The following OSBPL1A variants were observed in gnomAD, a reference collection of about 807,000 sequenced individuals.
The protein encoded by OSBPL1A is oxysterol binding protein like 1A, also known as oxysterol-binding protein-related protein 1.
A neutral mutation model predicts 137.1 loss-of-function variants in OSBPL1A; 80 were observed. That is an observed-to-expected ratio of 0.58 (90% confidence interval 0.49 to 0.70). OSBPL1A has a LOEUF of 0.70. Ranked by LOEUF, OSBPL1A falls within the 30% of genes least tolerant of loss-of-function variation. OSBPL1A has a pLI of 0.00. For missense variants in OSBPL1A, 970 were observed against 1,129.4 expected, an observed-to-expected ratio of 0.86 and a Z score of 2.02; for synonymous variants, 365 against 389.7, an observed-to-expected ratio of 0.94 and a Z score of 0.75.
intron 17 of OSBPL1A, among the ~76,000 whole-genome samples, chr18:24,220,835 CAG>C (rs2087866134): frequency 6.6e-6 from 1 of 151,330 alleles, no homozygotes. Flanking sequence ...TTTTTTGAGA[CAG>C]AGTCTCGCTT....
At position 24,294,349 on chromosome 18, in the gene OSBPL1A, A is replaced by G. The variant is rs188735599; in HGVS notation, c.1174+9288T>C. On this transcript the variant is annotated intron_variant, in intron 14 of 27. Transcript: ENST00000319481. ...TGGGTTCAAGCGATTCTTCTGTCTC[A>G]GCCTCCTGAGTAGCGGGGATTACAG... is the stretch of plus-strand genomic sequence containing the variant. 1.6e-3 allele frequency among the ~76,000 whole-genome samples: 244 copies of G among 152,158 alleles called. 1 individual carries two copies. The highest frequency in any genetic ancestry group is 1.5e-3 in the Non-Finnish European group (104 of 68,000).
At chr18:24,177,666 TCA>T (rs1246341264) in intron 21 of OSBPL1A, among the ~76,000 whole-genome samples, 2 of 152,234 alleles carry the variant, frequency 1.3e-5, no homozygotes, top group Non-Finnish European at 2.9e-5. Context: ...TCATTATTTC[TCA>T]GAGTGAATTC....
intron 18 of OSBPL1A, among the ~76,000 whole-genome samples, chr18:24,186,059 C>A (rs1346255521): frequency 6.6e-6 from 1 of 152,000 alleles, no homozygotes; most frequent in Non-Finnish European, 1.5e-5. Flanking sequence ...CACAGCAAGA[C>A]CCTGTCTTAA....
At chr18:24,223,007 A>G (rs2087941328) in intron 17 of OSBPL1A, among the ~76,000 whole-genome samples, 1 of 152,002 alleles carries the variant, frequency 6.6e-6, no homozygotes, top group Admixed American at 6.6e-5. Flanking sequence ...GTCAAATACA[A>G]TTTTCACATG....
chr18:24,202,261 T>G (rs2145954640), intron 17 of OSBPL1A, among the ~76,000 whole-genome samples: 1 of 152,306 alleles, frequency 6.6e-6, no homozygotes, highest in East Asian at 1.9e-4. Flanking sequence ...CAATTCTCCT[T>G]CTGCTGGCAG....
At chr18:24,231,153 C>T (rs1386161806) in intron 16 of OSBPL1A, among the ~76,000 whole-genome samples, 1 of 152,154 alleles carries the variant, frequency 6.6e-6, no homozygotes, top group African/African-American at 2.4e-5. Flanking sequence ...CTCTAGTTTA[C>T]AGAAGCATTG....
In OSBPL1A at chr18:24,218,226, T is replaced by C. The variant is rs552322101; in HGVS notation, c.1601+6816A>G. ...AAATTATTATTATACATGATAATAG[T>C]ACTGTGGTTTAGAAGCAAAAAAGAC... On this transcript the variant is annotated intron_variant, in intron 17 of 27. Transcript: ENST00000319481. The C allele has an allele frequency of 7.2e-5, 11 of 152,306 alleles. No individual in the cohort carries two copies. In the South Asian group the frequency reaches 2.1e-3, roughly 29 times the overall value. The allele number at this position is 152,306 out of a possible 1,614,324, so 9.4% of individuals were successfully genotyped here.
At chr18:24,340,883 G>A (rs1403312457) in intron 5 of OSBPL1A, among the ~76,000 whole-genome samples, 1 of 152,166 alleles carries the variant, frequency 6.6e-6, no homozygotes, top group Non-Finnish European at 1.5e-5. Context: ...CTGCACTTCT[G>A]TATCCCTTCA....
intron 13 of OSBPL1A, among the ~76,000 whole-genome samples, chr18:24,309,763 T>C (rs1284912068): frequency 6.6e-6 from 1 of 152,124 alleles, no homozygotes; most frequent in East Asian, 1.9e-4. Flanking sequence ...ATTCACAGCA[T>C]TGGCCAGGCA....
intron 13 of OSBPL1A, among the ~76,000 whole-genome samples, chr18:24,308,537 A>G (rs1568016080): frequency 2.0e-5 from 3 of 150,170 alleles, no homozygotes; most frequent in Non-Finnish European, 4.5e-5. Flanking sequence ...CACTTCTTGT[A>G]ACACAAAAAC....
At chr18:24,328,683 T>G (rs2091023077) in intron 7 of OSBPL1A, among the ~76,000 whole-genome samples, 1 of 152,176 alleles carries the variant, frequency 6.6e-6, no homozygotes, top group South Asian at 2.1e-4. Context: ...CAGTTCATTA[T>G]GTGTAGAGCT....
At chr18:24,248,863 A>G (rs1388741711) in intron 15 of OSBPL1A, among the ~76,000 whole-genome samples, 1 of 152,264 alleles carries the variant, frequency 6.6e-6, no homozygotes, top group African/African-American at 2.4e-5. Flanking sequence ...TGATTTAAAA[A>G]TAACTTCCCA....
intron 7 of OSBPL1A, among the ~76,000 whole-genome samples, chr18:24,330,294 T>C (rs1444945198): frequency 1.3e-5 from 2 of 152,106 alleles, no homozygotes; most frequent in Non-Finnish European, 2.9e-5. Context: ...CTGACTTGGA[T>C]TTTTCACCTT....
intron 4 of OSBPL1A, among the ~76,000 whole-genome samples, chr18:24,348,783 A>C (rs971896423): frequency 6.6e-6 from 1 of 152,082 alleles, no homozygotes; most frequent in Non-Finnish European, 1.5e-5. Context: ...AAAAAGAAAA[A>C]AAAGAAAAAA....
intron 4 of OSBPL1A, among the ~76,000 whole-genome samples, chr18:24,361,810 C>T (rs1489309188): frequency 4.6e-5 from 7 of 152,036 alleles, no homozygotes. Flanking sequence ...TGAGACCAGC[C>T]TGGCCAACCA....
At chr18:24,219,988 G>C (rs1423240705) in intron 17 of OSBPL1A, among the ~76,000 whole-genome samples, 3 of 152,190 alleles carry the variant, frequency 2.0e-5, no homozygotes, top group African/African-American at 7.2e-5. Context: ...GTCTCCTCCT[G>C]CCAGGCTGGC....
chr18:24,239,925 C>CTTTTTTTTT (rs10699940), intron 15 of OSBPL1A, among the ~76,000 whole-genome samples: 1 of 125,624 alleles, frequency 8.0e-6, no homozygotes, highest in Non-Finnish European at 1.6e-5. Flanking sequence ...TCATTTTTCT[C>CTTTTTTTTT]TTTTTTTTTT....
chr18:24,207,131 TG>T (rs1197247194), intron 17 of OSBPL1A, among the ~76,000 whole-genome samples: 3 of 152,260 alleles, frequency 2.0e-5, no homozygotes, highest in Non-Finnish European at 4.4e-5. Flanking sequence ...TCACCCAGGC[TG>T]GAGTGCAGCG....
intron 27 of OSBPL1A, 134 bp downstream of exon 27, chr18:24,164,931 G>A (rs2086110317): frequency 3.6e-6 from 3 of 829,872 alleles, no homozygotes. Context: ...CTTTTTTTCA[G>A]GCCTGGGACA....
Sources: gnomAD v4.1 joint callset for allele counts (sites outside exome capture counted in the v4.1 genomes callset) on GRCh38, gnomAD v4.1.1 for gene constraint, MANE v1.5 for transcripts, NCBI Gene and HGNC (gene_info 2026-07-23, HGNC 2026-07-21) for gene names.